Variants in SLC19A3 observed in about 807,000 individuals in gnomAD.
The protein encoded by SLC19A3 is thiamine transporter 2.
SLC19A3 carries 31 observed loss-of-function variants against 40.2 expected under a neutral mutation model. The ratio of observed to expected loss-of-function variants is 0.77; its 90% CI spans 0.58 to 1.04. The LOEUF (loss-of-function observed/expected upper bound fraction) is 1.04, where lower values mean the gene tolerates loss of function less well. SLC19A3 is among the 50% of genes least tolerant of loss of function. The pLI is 0.00. For synonymous variants in SLC19A3, 212 were observed against 227.5 expected, an observed-to-expected ratio of 0.93 and a Z score of 0.61; for missense variants, 592 against 596.7, an observed-to-expected ratio of 0.99 and a Z score of 0.08.
In SLC19A3 at chr2:227,698,979, T is replaced by C. The variant is rs752205415; in HGVS notation, c.736A>G (p.Lys246Glu). 1 of 1,614,230 alleles carries C rather than the reference T, an allele frequency of 6.2e-7. No homozygotes were observed. Among genetic ancestry groups the C allele is most frequent in the Admixed American group, 1.7e-5 (1 of 60,030 alleles). ...GGTTTCAGGCTGTTCAGCTGGCCCT[T>C]ATTCAGCTTCCCTGAAGTGCTGAGT... The part of the protein sequence containing the change: ...EILSTSGKLN[K>E]GQLNSLKPSN... Residue 246 changes from lysine to glutamate, a missense_variant, in exon 3 of 6, where the codon AAG becomes GAG. Lys to Glu is a moderately conservative substitution (Grantham distance 56). Transcript: ENST00000644224.
chr2:227,704,670 C>G (rs921652992), intron 1 of SLC19A3, among the ~76,000 whole-genome samples: 14 of 152,168 alleles, frequency 9.2e-5, no homozygotes, highest in African/African-American at 3.4e-4. Flanking sequence ...GAGCATGGTG[C>G]CCAGCACTTT....
rs1227222671 is a variant in SLC19A3, at chr2:227,702,550, T to C, written c.-2-230A>G. 12 of 499,520 alleles carry C rather than the reference T, an allele frequency of 2.4e-5. No homozygotes were observed. The South Asian group carries it at 2.5e-4, about 10-fold the overall frequency. 30.9% of individuals were successfully genotyped at this position (499,520 alleles called of 1,614,324 possible). Reference sequence around the variant, plus strand: ...CTGGGATTACAGGTGCCTGCCACCATGACTGGATAATTTTGTATTTTTAGT... The same window carrying C: ...CTGGGATTACAGGTGCCTGCCACCACGACTGGATAATTTTGTATTTTTAGT... On this transcript the variant is annotated intron_variant, in intron 1 of 5. Coordinates refer to ENST00000644224, the MANE Select transcript of SLC19A3 (RefSeq NM_025243.4).
intron 2 of SLC19A3, among the ~76,000 whole-genome samples, chr2:227,700,672 G>C (rs1180265224): frequency 2.0e-5 from 3 of 152,114 alleles, no homozygotes; most frequent in Non-Finnish European, 4.4e-5. Flanking sequence ...CCACATTATA[G>C]AGTGGAAGCA....
rs1695100874 is a variant in SLC19A3 at position 227,688,390 on chromosome 2, G to T, written c.1173-83C>A. 2.2e-6 allele frequency: 3 copies of T among 1,343,520 alleles called. No individual in the cohort carries two copies. In the East Asian group the frequency reaches 7.3e-5, roughly 33 times the overall value. 83.2% of individuals were successfully genotyped at this position (1,343,520 alleles called of 1,614,324 possible). ...AAAGATAGAACATATTGGCCACAGG[G>T]GTATTTGTGTCACCCACCTCCAGCT... On this transcript the variant is annotated intron_variant, in intron 4 of 5. Coordinates refer to ENST00000644224, the MANE Select transcript of SLC19A3 (RefSeq NM_025243.4).
chr2:227,688,063 T>G, intron 5 of SLC19A3, 103 bp downstream of exon 5: 1 of 1,290,830 alleles, frequency 7.7e-7, no homozygotes, highest in Non-Finnish European at 1.1e-6. Flanking sequence ...TATGTATTTT[T>G]TAATTGCTTA....
Position 227,686,083 on chromosome 2 carries a change from G to T in SLC19A3, c.*1314C>A. On this transcript the variant is annotated 3_prime_UTR_variant, in exon 6 of 6. Coordinates refer to ENST00000644224, the MANE Select transcript of SLC19A3 (RefSeq NM_025243.4). ...GTGGTGGTGTGCACCCATAGTCCCAGCTACTTGGGAGGCTGAGGTAGGAGA... is the reference window on the plus strand; with the variant it reads ...GTGGTGGTGTGCACCCATAGTCCCATCTACTTGGGAGGCTGAGGTAGGAGA... The T allele has an allele frequency of 2.3e-6, 1 of 438,736 alleles. No homozygotes were observed. The highest frequency in any genetic ancestry group is 4.6e-6 in the Non-Finnish European group (1 of 218,782). 27.2% of individuals were successfully genotyped at this position (438,736 alleles called of 1,614,324 possible).
intron 4 of SLC19A3, among the ~76,000 whole-genome samples, chr2:227,694,243 G>A (rs1208890318): frequency 6.6e-6 from 1 of 152,118 alleles, no homozygotes; most frequent in Non-Finnish European, 1.5e-5. Context: ...CTGACCTCAG[G>A]TGATCCACCT....
At chr2:227,702,391 C>A in intron 1 of SLC19A3, 71 bp from the exon 2 acceptor site, 2 of 1,458,652 alleles carry the variant, frequency 1.4e-6, no homozygotes, top group Non-Finnish European at 9.2e-7. Flanking sequence ...GCGATGAAAA[C>A]CTGATTTTTT....
In SLC19A3 at chr2:227,698,936, T is replaced by A. The variant is rs371155923; in HGVS notation, c.779A>T (p.Asp260Val). Reference sequence around the variant, plus strand: ...ATCTTGGAACCACTGCACAAAAACGTCCACAGTCACATTGCTTGGTTTCAG... The same window carrying A: ...ATCTTGGAACCACTGCACAAAAACGACCACAGTCACATTGCTTGGTTTCAG... ...NSLKPSNVTV[D>V]VFVQWFQDLK... The change falls in exon 3 of 6, where the codon GAC becomes GTC. Residue 260 changes from aspartate to valine, a missense_variant. Asp to Val is a radical substitution (Grantham distance 152, BLOSUM62 -3). Coordinates refer to ENST00000644224, the MANE Select transcript of SLC19A3 (RefSeq NM_025243.4). 2.6e-4 allele frequency: 426 copies of A among 1,614,106 alleles called. 4 individuals are homozygous for A. In the South Asian group the frequency reaches 4.4e-3, roughly 17 times the overall value.
intron 4 of SLC19A3, among the ~76,000 whole-genome samples, chr2:227,692,651 G>T (rs1334845203): frequency 6.6e-6 from 1 of 152,166 alleles, no homozygotes; most frequent in South Asian, 2.1e-4. Flanking sequence ...ACACGACAAG[G>T]ATGCCTACTT....
In SLC19A3 at chr2:227,684,080, T is replaced by G. The variant is rs1694939540; in HGVS notation, c.*3317A>C. Reference sequence around the variant, plus strand: ...TCCCAAAGTGCCAGGATTACAGGCATGAGCCACCGTGCCAGGCCTCATTTG... The same window carrying G: ...TCCCAAAGTGCCAGGATTACAGGCAGGAGCCACCGTGCCAGGCCTCATTTG... On this transcript the variant is annotated 3_prime_UTR_variant, in exon 6 of 6. Transcript: ENST00000644224. The G allele has an allele frequency of 1.3e-5, 2 of 152,258 alleles. No homozygotes were observed. Among genetic ancestry groups the G allele is most frequent in the South Asian group, 4.1e-4 (2 of 4,828 alleles). 9.4% of individuals were successfully genotyped at this position (152,258 alleles called of 1,614,324 possible). A position where few individuals can be genotyped will look rare whatever the true frequency, so the allele number is the denominator to read the frequency against.
chr2:227,695,964 G>C lies in SLC19A3; in HGVS notation c.1097C>G (p.Thr366Arg). 1 of 1,614,180 alleles carries C rather than the reference G, an allele frequency of 6.2e-7. No homozygotes were observed. Among genetic ancestry groups the C allele is most frequent in the South Asian group, 1.1e-5 (1 of 91,086 alleles). ...NAGSLFLMHY[T>R]ANIWACYAGY... ...AGCATAGCACGCCCAGATATTGGCTGTGTAATGCATGAGAAATAAAGAACC... is the reference window on the plus strand; with the variant it reads ...AGCATAGCACGCCCAGATATTGGCTCTGTAATGCATGAGAAATAAAGAACC... Residue 366 changes from threonine (T) to arginine (R), a missense_variant, in exon 4 of 6, where the codon ACA becomes AGA. Coordinates refer to ENST00000644224, the MANE Select transcript of SLC19A3 (RefSeq NM_025243.4).
At chr2:227,713,349 C>T (rs1272204384) in intron 1 of SLC19A3, among the ~76,000 whole-genome samples, 1 of 146,682 alleles carries the variant, frequency 6.8e-6, no homozygotes, top group Non-Finnish European at 1.5e-5. Context: ...CTGCAGTGAG[C>T]CATGATTGCA....
intron 1 of SLC19A3, chr2:227,706,550 C>T (rs77161564): frequency 0.09 from 84,185 of 935,026 alleles, 4,069 homozygotes; most frequent in Admixed American, 0.14. Flanking sequence ...GCAGGTGGAT[C>T]ACCTGAGGTC....
Position 227,687,576 on chromosome 2 carries a change from G to A in SLC19A3, c.1315-3C>T, listed in dbSNP as rs1156991108. The A allele has an allele frequency of 1.2e-6, 2 of 1,613,238 alleles. No individual in the cohort carries two copies. Among genetic ancestry groups the A allele is most frequent in the African/African-American group, 1.3e-5 (1 of 74,878 alleles). On this transcript the variant is annotated splice_polypyrimidine_tract_variant and splice_region_variant and intron_variant, in intron 5 of 5. Transcript: ENST00000644224. ...AAATAGCTCCCATAAACTAAAAACTGGAGAAAAACAAATAATTAGCCACAT... is the reference window on the plus strand; with the variant it reads ...AAATAGCTCCCATAAACTAAAAACTAGAGAAAAACAAATAATTAGCCACAT...
intron 2 of SLC19A3, chr2:227,700,862 C>A (rs1695658521): frequency 1.7e-6 from 2 of 1,210,150 alleles, no homozygotes; most frequent in Non-Finnish European, 2.2e-6. Flanking sequence ...AGTTGCTGAT[C>A]TGTAGGGATG....
At chr2:227,711,767 A>G (rs1696146301) in intron 1 of SLC19A3, among the ~76,000 whole-genome samples, 2 of 152,100 alleles carry the variant, frequency 1.3e-5, no homozygotes, top group East Asian at 3.9e-4. Flanking sequence ...AATGGAAAGG[A>G]GGCTGGGCAC....
chr2:227,692,228 A>C (rs2106322417), intron 4 of SLC19A3, among the ~76,000 whole-genome samples: 1 of 152,340 alleles, frequency 6.6e-6, no homozygotes, highest in African/African-American at 2.4e-5. Context: ...TGTTACCCTA[A>C]CACCAAACCA....
intron 1 of SLC19A3, among the ~76,000 whole-genome samples, chr2:227,709,604 C>A (rs770042062): frequency 9.9e-5 from 15 of 152,066 alleles, no homozygotes; most frequent in Non-Finnish European, 1.8e-4. Flanking sequence ...CCATACACAC[C>A]CACTTGCACA....
Sources: allele counts gnomAD v4.1 joint callset (sites outside exome capture counted in the v4.1 genomes callset), GRCh38; gene constraint gnomAD v4.1.1; transcripts MANE v1.5; gene names NCBI Gene and HGNC (gene_info 2026-07-23, HGNC 2026-07-21).